CYP1A2: variants seen among roughly 807,000 people sequenced by gnomAD.
The protein encoded by CYP1A2 is cytochrome P450 1A2.
CYP1A2 carries 35 observed loss-of-function variants against 34.7 expected under a neutral mutation model. That is an observed-to-expected ratio of 1.01 (90% CI 0.77 to 1.34). CYP1A2 has a LOEUF of 1.34. CYP1A2 is among the 40% of genes most tolerant of loss of function. CYP1A2 has a pLI of 0.00. For synonymous variants in CYP1A2, 288 were observed against 281.9 expected (o/e 1.02, Z -0.22); for missense variants, 675 against 675.8 (o/e 1.00, Z 0.01).
Position 74,752,184 on chromosome 15 carries a change from T to C in CYP1A2, c.1103T>C (p.Leu368Ser). ...TCTGACAGACCCCAGCTGCCCTACT[T>C]GGAGGCCTTCATCCTGGAGACCTTC... Reference protein sequence around the residue: ...RLSDRPQLPYLEAFILETFRH... With the variant: ...RLSDRPQLPYSEAFILETFRH... Residue 368 changes from leucine (L) to serine (S), a missense_variant, in exon 5 of 7, where the codon TTG (leucine) becomes TCG (serine). Transcript: ENST00000343932. The C allele has an allele frequency of 6.2e-7, 1 of 1,614,082 alleles. No homozygotes were observed. The highest frequency in any genetic ancestry group is 8.5e-7 in the Non-Finnish European group (1 of 1,179,986).
At chr15:74,752,439 A>C (rs1436803626) in intron 5 of CYP1A2, among the ~76,000 whole-genome samples, 192 bp downstream of exon 5, 1 of 152,016 alleles carries the variant, frequency 6.6e-6, no homozygotes, top group African/African-American at 2.4e-5. Context: ...TCCACTTGTG[A>C]TCTCAGCGCT....
chr15:74,755,288 G>A lies in CYP1A2; in HGVS notation c.*200G>A, dbSNP rs545471475. 86 of 560,388 alleles carry A rather than the reference G, an allele frequency of 1.5e-4. 1 individual carries two copies. The African/African-American group carries it at 1.6e-3, about 10-fold the overall frequency. 34.7% of individuals were successfully genotyped at this position (560,388 alleles called of 1,614,324 possible). ...GAAAGCAGCCTGGCCAACATAGTGG[G>A]ACCCTGTCTCTACAAAAAAAAAATT... is the stretch of plus-strand genomic sequence containing the variant. On this transcript the variant is annotated 3_prime_UTR_variant, in exon 7 of 7. Transcript: ENST00000343932.
In CYP1A2 at chr15:74,755,011, A is replaced by C. The variant is rs1315589602; in HGVS notation, c.1474A>C (p.Thr492Pro). ...SVPPGVKVDL[T>P]PIYGLTMKHA... is the part of the protein sequence containing the mutation. ...GCCGCCGGGCGTGAAAGTCGACCTG[A>C]CCCCCATCTACGGGCTGACCATGAA... Residue 492 changes from threonine to proline, a missense_variant, in exon 7 of 7, where the codon ACC becomes CCC. Physicochemically the swap from Thr to Pro is conservative, Grantham distance 38. Coordinates refer to ENST00000343932, the MANE Select transcript of CYP1A2 (RefSeq NM_000761.5). 1 of 1,613,906 alleles carries C rather than the reference A, an allele frequency of 6.2e-7. No individual in the cohort carries two copies. The highest frequency in any genetic ancestry group is 2.2e-5 in the East Asian group (1 of 44,868).
At position 74,754,840 on chromosome 15, in the gene CYP1A2, G is replaced by A. The variant is rs2063330757; in HGVS notation, c.1303G>A (p.Ala435Thr). Residue 435 changes from alanine (A) to threonine (T), a missense_variant, in exon 7 of 7, where the codon GCC becomes ACC. Physicochemically the swap from Ala to Thr is moderately conservative, Grantham distance 58. Coordinates refer to ENST00000343932, the MANE Select transcript of CYP1A2 (RefSeq NM_000761.5). Reference sequence around the variant, plus strand: ...GTTCCGGCCTGAGCGGTTCCTCACCGCCGATGGCACTGCCATTAACAAGCC... The same window carrying A: ...GTTCCGGCCTGAGCGGTTCCTCACCACCGATGGCACTGCCATTAACAAGCC... ...SEFRPERFLT[A>T]DGTAINKPLS... 9.9e-6 allele frequency: 16 copies of A among 1,614,036 alleles called. No homozygotes were observed. The highest frequency in any genetic ancestry group is 2.2e-5 in the South Asian group (2 of 91,088).
chr15:74,749,847 A>T lies in CYP1A2; in HGVS notation c.109A>T (p.Lys37Ter), dbSNP rs1313870798. ...CAAGGGTTTGAGGCCTCGGGTCCCC[A>T]AAGGCCTGAAAAGTCCACCAGAGCC... ...VLKGLRPRVPKGLKSPPEPWG... is the reference protein window; with the variant it reads ...VLKGLRPRVP Residue 37 changes from lysine (K) to a stop codon, truncating the protein, a stop_gained, in exon 2 of 7, where the codon AAA becomes TAA. Transcript: ENST00000343932. LOFTEE classifies it high-confidence loss of function. 6.2e-7 allele frequency: 1 copy of T among 1,606,590 alleles called. No homozygotes were observed. The highest frequency in any genetic ancestry group is 1.3e-5 in the African/African-American group (1 of 74,874).
At chr15:74,751,080 G>A in intron 2 of CYP1A2, 109 bp from the exon 3 acceptor site, 1 of 1,467,368 alleles carries the variant, frequency 6.8e-7, no homozygotes, top group Non-Finnish European at 9.2e-7. Flanking sequence ...GACCAAGTTG[G>A]GAGGATAGGG....
chr15:74,750,271 A>T lies in CYP1A2; in HGVS notation c.533A>T (p.Glu178Val). The change falls in exon 2 of 7, where the codon GAG becomes GTG. Residue 178 changes from glutamate (E) to valine (V), a missense_variant. By Grantham distance (121) the Glu-to-Val change is moderately radical. Coordinates refer to ENST00000343932, the MANE Select transcript of CYP1A2 (RefSeq NM_000761.5). The part of the protein sequence containing the change: ...EAKALISRLQ[E>V]LMAGPGHFDP... ...AAGGCCCTGATCAGCAGGTTGCAGG[A>T]GCTGATGGCAGGGCCTGGGCACTTC... 1 of 1,614,178 alleles carries T rather than the reference A, an allele frequency of 6.2e-7. No individual in the cohort carries two copies. Among genetic ancestry groups the T allele is most frequent in the Non-Finnish European group, 8.5e-7 (1 of 1,180,026 alleles).
intron 4 of CYP1A2, 123 bp downstream of exon 4, chr15:74,751,977 C>A (rs2063317678): frequency 2.0e-6 from 3 of 1,504,436 alleles, no homozygotes; most frequent in South Asian, 1.2e-5. Flanking sequence ...TAGTGCCTGC[C>A]CTTGCCTAGA....
At chr15:74,753,709 G>A (rs1426708326) in intron 6 of CYP1A2, among the ~76,000 whole-genome samples, 1 of 149,648 alleles carries the variant, frequency 6.7e-6, no homozygotes, top group East Asian at 2.0e-4. Flanking sequence ...ACTCCAGCCT[G>A]GGTGACGGAG....
intron 5 of CYP1A2, among the ~76,000 whole-genome samples, chr15:74,752,749 G>T (rs1204288801): frequency 6.6e-6 from 1 of 151,952 alleles, no homozygotes; most frequent in East Asian, 1.9e-4. Flanking sequence ...TTTTAACAAT[G>T]TCAAGAGAGT....
At position 74,755,401 on chromosome 15, in the gene CYP1A2, A is replaced by G. The variant is rs1474240137; in HGVS notation, c.*313A>G. 2 of 204,310 alleles carry G rather than the reference A, an allele frequency of 9.8e-6. No homozygotes were observed. The highest frequency in any genetic ancestry group is 4.7e-5 in the African/African-American group (2 of 42,610). 12.7% of individuals were successfully genotyped at this position (204,310 alleles called of 1,614,324 possible). ...AAAAACCATATATATACATATATAT[A>G]TAGCAGCTTTATGGAGATATAATTC... On this transcript the variant is annotated 3_prime_UTR_variant, in exon 7 of 7. Coordinates refer to ENST00000343932, the MANE Select transcript of CYP1A2 (RefSeq NM_000761.5).
rs758501844 is a variant in CYP1A2, at chr15:74,749,747, G to C, written c.9G>C (p.Leu3Phe). ...CCCTGCAGTTGGTACAGATGGCATT[G>C]TCCCAGTCTGTTCCCTTCTCGGCCA... MA[L>F]SQSVPFSATE... The change falls in exon 2 of 7, where the codon TTG (leucine) becomes TTC (phenylalanine). Residue 3 changes from leucine to phenylalanine, a missense_variant. Physicochemically the swap from Leu to Phe is conservative, Grantham distance 22. Coordinates refer to ENST00000343932, the MANE Select transcript of CYP1A2 (RefSeq NM_000761.5). The C allele has an allele frequency of 6.5e-7, 1 of 1,531,040 alleles. No individual in the cohort carries two copies. Among genetic ancestry groups the C allele is most frequent in the Non-Finnish European group, 8.8e-7 (1 of 1,136,946 alleles). 94.8% of individuals were successfully genotyped at this position (1,531,040 alleles called of 1,614,324 possible). A position where few individuals can be genotyped will look rare whatever the true frequency, so the allele number is the denominator to read the frequency against.
Position 74,750,384 on chromosome 15 carries a change from A to G in CYP1A2, c.646A>G (p.Met216Val). 6.2e-7 allele frequency: 1 copy of G among 1,614,128 alleles called. No homozygotes were observed. The highest frequency in any genetic ancestry group is 8.5e-7 in the Non-Finnish European group (1 of 1,180,026). The change falls in exon 2 of 7, where the codon ATG (methionine) becomes GTG (valine). Residue 216 changes from methionine to valine, a missense_variant. Transcript: ENST00000343932. ...GCACTTCCCTGAGAGTAGCGATGAG[A>G]TGCTCAGCCTCGTGAAGAACACTCA... ...GQHFPESSDE[M>V]LSLVKNTHEF...
chr15:74,754,912 A>G lies in CYP1A2; in HGVS notation c.1375A>G (p.Ile459Val), dbSNP rs780107971. The G allele has an allele frequency of 6.2e-7, 1 of 1,614,248 alleles. No homozygotes were observed. The highest frequency in any genetic ancestry group is 1.7e-5 in the Admixed American group (1 of 60,034). ...MLFGMGKRRC[I>V]GEVLAKWEIF... is the part of the protein sequence containing the mutation. Reference sequence around the variant, plus strand: ...GTTTGGCATGGGCAAGCGCCGGTGTATCGGGGAAGTCCTGGCCAAGTGGGA... The same window carrying G: ...GTTTGGCATGGGCAAGCGCCGGTGTGTCGGGGAAGTCCTGGCCAAGTGGGA... Residue 459 changes from isoleucine to valine, a missense_variant, in exon 7 of 7, where the codon ATC (isoleucine) becomes GTC (valine). Transcript: ENST00000343932.
intron 2 of CYP1A2, 47 bp from the exon 3 acceptor site, chr15:74,751,142 T>C: frequency 6.2e-7 from 1 of 1,610,006 alleles, no homozygotes. Context: ...CGTTCAGCCT[T>C]TGACCTTGGA....
rs2063317381 is a variant in CYP1A2, at chr15:74,751,929, T to G, written c.1042+75T>G. 3 of 1,545,162 alleles carry G rather than the reference T, an allele frequency of 1.9e-6. No individual in the cohort carries two copies. In the East Asian group the frequency reaches 6.7e-5, roughly 35 times the overall value. ...GTTGTTTGTTCAGTCTACAAACACC[T>G]GTTATGTGCCTGCTGTGTGCAAGCC... On this transcript the variant is annotated intron_variant, in intron 4 of 6. Transcript: ENST00000343932.
intron 2 of CYP1A2, 104 bp from the exon 3 acceptor site, chr15:74,751,085 A>G: frequency 1.3e-6 from 2 of 1,499,022 alleles, no homozygotes; most frequent in Non-Finnish European, 1.8e-6. Context: ...AGTTGGGAGG[A>G]TAGGGGGGTA....
At position 74,755,862 on chromosome 15, in the gene CYP1A2, G is replaced by C. The variant is rs1244600421; in HGVS notation, c.*774G>C. 1 of 152,048 alleles carries C rather than the reference G, an allele frequency of 6.6e-6. No individual in the cohort carries two copies. The highest frequency in any genetic ancestry group is 1.9e-4 in the East Asian group (1 of 5,192). The allele number at this position is 152,048 out of a possible 1,614,324, so 9.4% of individuals were successfully genotyped here. ...AGACAGAGTCTTACTCTGTTGCCAGGCTGGAGTGCAGTGGCGCGATCTCAG... is the reference window on the plus strand; with the variant it reads ...AGACAGAGTCTTACTCTGTTGCCAGCCTGGAGTGCAGTGGCGCGATCTCAG... On this transcript the variant is annotated 3_prime_UTR_variant, in exon 7 of 7. Transcript: ENST00000343932.
Position 74,750,484 on chromosome 15 carries a change from C to A in CYP1A2, c.746C>A (p.Ala249Asp). 6.2e-7 allele frequency: 1 copy of A among 1,614,208 alleles called. No individual in the cohort carries two copies. Among genetic ancestry groups the A allele is most frequent in the Non-Finnish European group, 8.5e-7 (1 of 1,180,034 alleles). ...FPILRYLPNP[A>D]LQRFKAFNQR... ...ATCCTTCGCTACCTGCCTAACCCTG[C>A]CCTGCAGAGGTTCAAGGCCTTCAAC... The change falls in exon 2 of 7, where the codon GCC (alanine) becomes GAC (aspartate). Residue 249 changes from alanine (A) to aspartate (D), a missense_variant. Transcript: ENST00000343932.
Sources: gnomAD v4.1 joint callset for allele counts (sites outside exome capture counted in the v4.1 genomes callset) on GRCh38, gnomAD v4.1.1 for gene constraint, MANE v1.5 for transcripts, NCBI Gene and HGNC (gene_info 2026-07-23, HGNC 2026-07-21) for gene names.